IFT56: variants seen among roughly 807,000 people sequenced by gnomAD.
IFT56 encodes the protein intraflagellar transport protein 56.
At chr7:139,166,149 G>T in the IFT56 span, among the ~76,000 whole-genome samples, 1 of 152,192 alleles carries the variant, frequency 6.6e-6, no homozygotes, top group Middle Eastern at 3.4e-3. Flanking sequence ...ATAGAGACGG[G>T]GTTTCGCCAT....
the IFT56 span, among the ~76,000 whole-genome samples, chr7:139,170,857 A>G: frequency 1.3e-5 from 2 of 152,232 alleles, no homozygotes; most frequent in African/African-American, 4.8e-5. Context: ...GCTAGTAATC[A>G]GACAAGAGAA....
chr7:139,190,711 A>G, the IFT56 span: 6 of 152,234 alleles, frequency 3.9e-5, no homozygotes, highest in South Asian at 2.1e-4. Flanking sequence ...CTGAGCTCTT[A>G]TAACATACAA....
chr7:139,174,943 T>G, the IFT56 span, among the ~76,000 whole-genome samples: 2 of 151,450 alleles, frequency 1.3e-5, no homozygotes, highest in Non-Finnish European at 2.9e-5. Context: ...ATCGCTTGAA[T>G]CCAGGAGGCA....
chr7:139,162,054 A>G, the IFT56 span, among the ~76,000 whole-genome samples: 1 of 152,248 alleles, frequency 6.6e-6, no homozygotes, highest in African/African-American at 2.4e-5. Context: ...TGAAATAAAT[A>G]TTGTAGAATG....
At chr7:139,191,593 A>G in the IFT56 span, 1 of 152,240 alleles carries the variant, frequency 6.6e-6, no homozygotes, top group Non-Finnish European at 1.5e-5. Flanking sequence ...GGGAAAAAAA[A>G]GCAGATATTC....
chr7:139,152,169 A>C, the IFT56 span, among the ~76,000 whole-genome samples: 1 of 152,256 alleles, frequency 6.6e-6, no homozygotes, highest in Non-Finnish European at 1.5e-5. Flanking sequence ...TCACTGTGTC[A>C]CCAAGGCTGT....
At chr7:139,139,913 G>A in the IFT56 span, 1 of 1,611,738 alleles carries the variant, frequency 6.2e-7, no homozygotes, top group South Asian at 1.1e-5. Flanking sequence ...CTACAAAAGA[G>A]GAAAATTGTA....
the IFT56 span, among the ~76,000 whole-genome samples, chr7:139,152,026 A>G: frequency 2.6e-4 from 39 of 152,356 alleles, no homozygotes; most frequent in Middle Eastern, 6.8e-3. Context: ...GCGCCACTAC[A>G]TTCCAGCCTG....
At chr7:139,175,315 G>A in the IFT56 span, among the ~76,000 whole-genome samples, 1 of 152,242 alleles carries the variant, frequency 6.6e-6, no homozygotes, top group Admixed American at 6.5e-5. Flanking sequence ...CAGTTTGGAA[G>A]TTCCTCAAAA....
At chr7:139,161,837 G>C in the IFT56 span, among the ~76,000 whole-genome samples, 2 of 152,022 alleles carry the variant, frequency 1.3e-5, no homozygotes, top group African/African-American at 2.4e-5. Flanking sequence ...GTTTTATTTG[G>C]ATAGTTACTA....
chr7:139,173,568 G>A, the IFT56 span: 1 of 805,458 alleles, frequency 1.2e-6, no homozygotes, highest in East Asian at 2.4e-5. Flanking sequence ...TATGGATAGA[G>A]TAAAACCAAC....
the IFT56 span, chr7:139,134,893 A>G: frequency 8.3e-7 from 1 of 1,209,702 alleles, no homozygotes; most frequent in Non-Finnish European, 1.2e-6. Flanking sequence ...AGGTGGGTGC[A>G]TTCTGGGGCT....
chr7:139,141,073 A>C, the IFT56 span, among the ~76,000 whole-genome samples: 1 of 151,608 alleles, frequency 6.6e-6, no homozygotes, highest in Non-Finnish European at 1.5e-5. Context: ...ATCCTGGCTA[A>C]CATGGTGAAA....
chr7:139,186,375 A>T, the IFT56 span, among the ~76,000 whole-genome samples: 1 of 151,740 alleles, frequency 6.6e-6, no homozygotes, highest in African/African-American at 2.4e-5. Context: ...ACAGTGAGTC[A>T]TGTTGGCACC....
At chr7:139,133,780 A>G in the IFT56 span, 1 of 1,599,868 alleles carries the variant, frequency 6.3e-7, no homozygotes, top group Non-Finnish European at 8.6e-7. Context: ...GTGGAGACAG[A>G]ACGTGCTGTG....
the IFT56 span, among the ~76,000 whole-genome samples, chr7:139,145,295 T>C: frequency 4.8e-3 from 736 of 152,038 alleles, 3 homozygotes; most frequent in Middle Eastern, 0.017. Context: ...TGAGAATTGA[T>C]AGGTACCATT....
the IFT56 span, among the ~76,000 whole-genome samples, chr7:139,158,942 T>G: frequency 6.6e-6 from 1 of 152,210 alleles, no homozygotes; most frequent in East Asian, 1.9e-4. Flanking sequence ...AAAATCAACG[T>G]TATACCAGAA....
At chr7:139,161,165 A>G in the IFT56 span, 1 of 617,018 alleles carries the variant, frequency 1.6e-6, no homozygotes, top group Non-Finnish European at 2.8e-6. Context: ...TGGAGGAGAT[A>G]AGTTTTAAAG....
chr7:139,181,041 T>A, the IFT56 span: 1 of 1,148,666 alleles, frequency 8.7e-7, no homozygotes, highest in Non-Finnish European at 1.3e-6. Context: ...AAATTATTTT[T>A]GTACAGTAAA....
Sources: allele counts gnomAD v4.1 joint callset (sites outside exome capture counted in the v4.1 genomes callset), GRCh38; gene constraint gnomAD v4.1.1; transcripts MANE v1.5; gene names NCBI Gene and HGNC (gene_info 2026-07-23, HGNC 2026-07-21).